Variants in CAMK4 observed in about 807,000 individuals in gnomAD.
CAMK4 encodes the protein calcium/calmodulin-dependent protein kinase type IV.
Under a neutral mutation model 44.9 loss-of-function variants are expected in CAMK4, and 22 were observed. The observed-to-expected ratio is 0.49, with a 90% CI of 0.35 to 0.70. The LOEUF is 0.70. Among genes scored for constraint, CAMK4 ranks in the 30% least tolerant of loss-of-function variants. The pLI is 0.01. For synonymous variants in CAMK4, 218 were observed against 215.4 expected, an observed-to-expected ratio of 1.01 and a Z score of -0.11; for missense variants, 498 against 586.8, an observed-to-expected ratio of 0.85 and a Z score of 1.56.
chr5:111,343,984 C>T lies in CAMK4; in HGVS notation c.162-40C>T, dbSNP rs777419273. The T allele has an allele frequency of 5.8e-6, 7 of 1,208,786 alleles. No homozygotes were observed. In the South Asian group the frequency reaches 8.9e-5, roughly 15 times the overall value. The allele number at this position is 1,208,786 out of a possible 1,614,324, so 74.9% of individuals were successfully genotyped here. A position where few individuals can be genotyped will look rare whatever the true frequency, so the allele number is the denominator to read the frequency against. On this transcript the variant is annotated intron_variant, in intron 1 of 10. Coordinates refer to ENST00000282356, the MANE Select transcript of CAMK4 (RefSeq NM_001744.6). ...CAAGCTTTCCCCTTTAATTCATGTC[C>T]AAAGCATAACATTTTCTTTTTGTCT...
intron 1 of CAMK4, among the ~76,000 whole-genome samples, chr5:111,321,474 A>G (rs189801268): frequency 6.7e-6 from 1 of 149,952 alleles, no homozygotes; most frequent in East Asian, 2.0e-4. Context: ...TTTAATTTAT[A>G]CAGTTTCTTA....
intron 1 of CAMK4, among the ~76,000 whole-genome samples, chr5:111,262,228 G>A (rs1005196363): frequency 6.6e-6 from 1 of 151,686 alleles, no homozygotes; most frequent in African/African-American, 2.4e-5. Context: ...AGAGGAGAAG[G>A]ATTGAACTCA....
chr5:111,373,402 A>G (rs1456907842), intron 2 of CAMK4, among the ~76,000 whole-genome samples: 1 of 134,726 alleles, frequency 7.4e-6, no homozygotes, highest in Non-Finnish European at 1.6e-5. Flanking sequence ...GCAAAATTAT[A>G]TTTTCCAGAT....
At chr5:111,326,447 T>G (rs1748891812) in intron 1 of CAMK4, among the ~76,000 whole-genome samples, 1 of 151,948 alleles carries the variant, frequency 6.6e-6, no homozygotes, top group South Asian at 2.1e-4. Flanking sequence ...ATACATTTTC[T>G]ATTAAAAGTC....
At chr5:111,281,246 T>C (rs914142197) in intron 1 of CAMK4, among the ~76,000 whole-genome samples, 1 of 152,190 alleles carries the variant, frequency 6.6e-6, no homozygotes, top group Admixed American at 6.5e-5. Context: ...TGTGGTGCTG[T>C]TTTGGGCTTT....
At chr5:111,331,063 T>G (rs1749147344) in intron 1 of CAMK4, among the ~76,000 whole-genome samples, 1 of 151,614 alleles carries the variant, frequency 6.6e-6, no homozygotes, top group South Asian at 2.1e-4. Context: ...GGATGAGCAA[T>G]GATTTCTTAG....
intron 1 of CAMK4, among the ~76,000 whole-genome samples, chr5:111,288,994 G>A (rs891357847): frequency 6.6e-6 from 1 of 152,222 alleles, no homozygotes; most frequent in Non-Finnish European, 1.5e-5. Flanking sequence ...GGTTACATAT[G>A]TATGGGTACT....
chr5:111,413,847 G>A (rs1752716484), intron 5 of CAMK4, among the ~76,000 whole-genome samples: 1 of 151,686 alleles, frequency 6.6e-6, no homozygotes, highest in South Asian at 2.1e-4. Context: ...GAGAAAGCAA[G>A]GGCAAAATAT....
chr5:111,346,882 G>A (rs1001827611), intron 2 of CAMK4, among the ~76,000 whole-genome samples: 2 of 151,852 alleles, frequency 1.3e-5, no homozygotes, highest in Non-Finnish European at 2.9e-5. Context: ...GAGAAAGTGA[G>A]GCGTTTATTG....
chr5:111,436,148 A>G (rs536039989), intron 5 of CAMK4, among the ~76,000 whole-genome samples: 1 of 152,344 alleles, frequency 6.6e-6, no homozygotes, highest in South Asian at 2.1e-4. Context: ...TTAATTGAGT[A>G]AGGATTTCAG....
In CAMK4 at chr5:111,419,266, C is replaced by T. The variant is rs1242134725; in HGVS notation, c.459+24484C>T. On this transcript the variant is annotated intron_variant, in intron 5 of 10. Transcript: ENST00000282356. Reference sequence around the variant, plus strand: ...CTTTTGAGAAGTGTCTGTTCAAATCCTTCGCCCACTTTTTGATGGGGTTGT... The same window carrying T: ...CTTTTGAGAAGTGTCTGTTCAAATCTTTCGCCCACTTTTTGATGGGGTTGT... 4.6e-5 allele frequency among the ~76,000 whole-genome samples: 7 copies of T among 152,260 alleles called. No homozygotes were observed. In the South Asian group the frequency reaches 1.5e-3, roughly 32 times the overall value.
chr5:111,371,136 A>G (rs544296833), intron 2 of CAMK4, among the ~76,000 whole-genome samples: 2 of 152,056 alleles, frequency 1.3e-5, no homozygotes, highest in Non-Finnish European at 2.9e-5. Flanking sequence ...TTTTGCTGCC[A>G]TTCTATTACC....
chr5:111,347,427 G>T (rs1749914323), intron 2 of CAMK4, among the ~76,000 whole-genome samples: 1 of 151,980 alleles, frequency 6.6e-6, no homozygotes, highest in Non-Finnish European at 1.5e-5. Context: ...AATCGTTTAA[G>T]CTATTATTAC....
rs1197377966 is a variant in CAMK4 at position 111,488,032 on chromosome 5, C to CTAGA, written c.*3567_*3570dup. The stretch of plus-strand genomic sequence containing the variant: ...TGGGCCCTGGAGTCTTGACTACAGC[C>CTAGA]TAGAGTCTCCTGAGTACTGCCATGA... On this transcript the variant is annotated 3_prime_UTR_variant, in exon 11 of 11. Coordinates refer to ENST00000282356, the MANE Select transcript of CAMK4 (RefSeq NM_001744.6). 6.6e-6 allele frequency: 1 copy of CTAGA among 152,148 alleles called. No homozygotes were observed. The highest frequency in any genetic ancestry group is 1.9e-4 in the East Asian group (1 of 5,194). The allele number at this position is 152,148 out of a possible 1,614,324, so 9.4% of individuals were successfully genotyped here.
At position 111,250,791 on chromosome 5, in the gene CAMK4, C is replaced by T. The variant is rs181729150; in HGVS notation, c.161+26147C>T. Among the ~76,000 whole-genome samples the T allele has an allele frequency of 2.0e-5, 3 of 152,244 alleles. No individual in the cohort carries two copies. In the East Asian group the frequency reaches 5.8e-4, roughly 29 times the overall value. ...GGCAACATCCAATTCTGAGCCCCTA[C>T]CCTTCAGTTTTCTCATATTTTAAAA... On this transcript the variant is annotated intron_variant, in intron 1 of 10. Transcript: ENST00000282356.
chr5:111,260,525 T>A (rs72780333), intron 1 of CAMK4, among the ~76,000 whole-genome samples: 161 of 152,282 alleles, frequency 1.1e-3, no homozygotes, highest in Non-Finnish European at 1.9e-3. Flanking sequence ...TTTTCAGTTA[T>A]AACCCAGTGT....
chr5:111,238,079 A>G (rs1748811163), intron 1 of CAMK4, among the ~76,000 whole-genome samples: 1 of 152,184 alleles, frequency 6.6e-6, no homozygotes, highest in African/African-American at 2.4e-5. Flanking sequence ...GGTGGGAAGC[A>G]GAGAGGCAGA....
intron 2 of CAMK4, among the ~76,000 whole-genome samples, chr5:111,355,697 CTG>C (rs1319460439): frequency 6.7e-6 from 1 of 149,372 alleles, no homozygotes; most frequent in African/African-American, 2.5e-5. Flanking sequence ...GTTCCCCTTC[CTG>C]TGTCCATGTG....
At chr5:111,291,704 G>A (rs965495214) in intron 1 of CAMK4, among the ~76,000 whole-genome samples, 3 of 152,026 alleles carry the variant, frequency 2.0e-5, no homozygotes, top group Non-Finnish European at 4.4e-5. Context: ...TGGAGATGGG[G>A]TCTTGCTATG....
Sources: allele counts gnomAD v4.1 joint callset (sites outside exome capture counted in the v4.1 genomes callset), GRCh38; gene constraint gnomAD v4.1.1; transcripts MANE v1.5; gene names NCBI Gene and HGNC (gene_info 2026-07-23, HGNC 2026-07-21).